WDPCP: variants seen among roughly 807,000 people sequenced by gnomAD.
WDPCP encodes WD repeat-containing and planar cell polarity effector protein fritz homolog.
A neutral mutation model predicts 93.1 loss-of-function variants in WDPCP; 71 were observed. The ratio of observed to expected loss-of-function variants is 0.76; its 90% CI spans 0.63 to 0.93. The LOEUF is 0.93. WDPCP is among the 40% of genes least tolerant of loss of function. The pLI is 0.00. For synonymous variants in WDPCP, 315 were observed against 315.0 expected (o/e 1.00, Z 0.00); for missense variants, 844 against 887.4 (o/e 0.95, Z 0.62).
intron 6 of WDPCP, among the ~76,000 whole-genome samples, chr2:63,465,772 G>T (rs984956961): frequency 1.3e-5 from 2 of 152,096 alleles, no homozygotes; most frequent in African/African-American, 4.8e-5. Flanking sequence ...CCTGTTCTAT[G>T]CTGATTATTG....
At chr2:63,823,246 G>A (rs1380353272) in intron 1 of WDPCP, among the ~76,000 whole-genome samples, 2 of 150,350 alleles carry the variant, frequency 1.3e-5, no homozygotes, top group African/African-American at 2.4e-5. Flanking sequence ...AGTAGCTCAC[G>A]TCTGTAATCC....
chr2:63,761,451 T>A (rs1670053208), intron 2 of WDPCP, among the ~76,000 whole-genome samples: 1 of 152,162 alleles, frequency 6.6e-6, no homozygotes. Context: ...ATATTCTTCC[T>A]TTTTCTAGCA....
intron 6 of WDPCP, among the ~76,000 whole-genome samples, chr2:63,447,684 G>T (rs1488367805): frequency 6.6e-6 from 1 of 151,626 alleles, no homozygotes; most frequent in Non-Finnish European, 1.5e-5. Flanking sequence ...ATTAATAATT[G>T]TAAAGTATGG....
intron 2 of WDPCP, among the ~76,000 whole-genome samples, chr2:63,758,996 G>A (rs957663403): frequency 9.9e-5 from 15 of 151,590 alleles, no homozygotes; most frequent in African/African-American, 2.9e-4. Flanking sequence ...GGCCAGGCTG[G>A]CCTCAAACTC....
chr2:63,708,548 G>T (rs538546817), intron 2 of WDPCP, among the ~76,000 whole-genome samples: 6 of 152,352 alleles, frequency 3.9e-5, no homozygotes, highest in African/African-American at 1.4e-4. Context: ...GACTAGGAAA[G>T]GGAATTCCCT....
intron 2 of WDPCP, among the ~76,000 whole-genome samples, chr2:63,745,660 AC>A (rs1558900487): frequency 6.6e-6 from 1 of 152,042 alleles, no homozygotes; most frequent in Non-Finnish European, 1.5e-5. Context: ...ACACACACAC[AC>A]ACACACACTT....
chr2:63,778,303 C>T (rs1045173210), intron 2 of WDPCP, among the ~76,000 whole-genome samples: 2 of 151,944 alleles, frequency 1.3e-5, no homozygotes, highest in African/African-American at 2.4e-5. Context: ...CACCCTCCAA[C>T]TTCAAGCGAT....
At chr2:63,254,188 C>G (rs972752040) in intron 14 of WDPCP, among the ~76,000 whole-genome samples, 1 of 152,092 alleles carries the variant, frequency 6.6e-6, no homozygotes, top group Non-Finnish European at 1.5e-5. Flanking sequence ...ATTAGGTACA[C>G]ATGGACATAA....
intron 6 of WDPCP, among the ~76,000 whole-genome samples, chr2:63,472,962 C>A (rs1699778617): frequency 6.6e-6 from 1 of 152,168 alleles, no homozygotes; most frequent in African/African-American, 2.4e-5. Context: ...AATTTAGTTC[C>A]ATTTACGGCA....
intron 6 of WDPCP, chr2:63,442,385 A>G (rs1697558399): frequency 6.6e-6 from 1 of 152,158 alleles, no homozygotes; most frequent in African/African-American, 2.4e-5. Flanking sequence ...TTATTCAACC[A>G]TTAATTGTAG....
At chr2:63,541,456 A>G (rs561531520) in intron 1 of WDPCP, among the ~76,000 whole-genome samples, 10 of 152,350 alleles carry the variant, frequency 6.6e-5, no homozygotes, top group African/African-American at 9.6e-5. Context: ...AAAAAGAAGC[A>G]TATTTCAGAT....
At chr2:63,208,467 G>C (rs890171066) in intron 14 of WDPCP, among the ~76,000 whole-genome samples, 3 of 152,054 alleles carry the variant, frequency 2.0e-5, no homozygotes, top group African/African-American at 7.2e-5. Context: ...CATTGTGCCT[G>C]GTGTGCTCAA....
intron 1 of WDPCP, among the ~76,000 whole-genome samples, chr2:63,565,450 T>C (rs373779236): frequency 2.0e-5 from 3 of 152,188 alleles, no homozygotes; most frequent in East Asian, 3.9e-4. Context: ...ATTAAAGAAA[T>C]ATTTAAACTC....
chr2:63,722,490 C>A (rs1193257313), intron 2 of WDPCP, among the ~76,000 whole-genome samples: 3 of 143,558 alleles, frequency 2.1e-5, no homozygotes, highest in Non-Finnish European at 3.1e-5. Context: ...CCCCTCCGCC[C>A]GGCAGCCGCC....
At chr2:63,808,832 C>T (rs2104074993) in intron 2 of WDPCP, among the ~76,000 whole-genome samples, 1 of 152,054 alleles carries the variant, frequency 6.6e-6, no homozygotes, top group African/African-American at 2.4e-5. Context: ...GCCCCTCTGC[C>T]TGGCTGCCCA....
intron 17 of WDPCP, among the ~76,000 whole-genome samples, chr2:63,126,276 T>C (rs1429826570): frequency 1.3e-5 from 2 of 152,158 alleles, no homozygotes; most frequent in Non-Finnish European, 2.9e-5. Context: ...GCTGAAAAAG[T>C]GTTTCCATCT....
intron 1 of WDPCP, among the ~76,000 whole-genome samples, chr2:63,505,178 T>G (rs1233678745): frequency 6.6e-6 from 1 of 152,078 alleles, no homozygotes; most frequent in African/African-American, 2.4e-5. Flanking sequence ...AATTGGATCT[T>G]CCTTCATACT....
chr2:63,328,440 C>G (rs982074587), intron 12 of WDPCP, among the ~76,000 whole-genome samples: 2 of 152,094 alleles, frequency 1.3e-5, no homozygotes, highest in African/African-American at 2.4e-5. Context: ...TCCTGAAGTC[C>G]GCGAGACCAC....
At chr2:63,739,236 T>C in intron 2 of WDPCP, among the ~76,000 whole-genome samples, 1 of 152,112 alleles carries the variant, frequency 6.6e-6, no homozygotes, top group East Asian at 1.9e-4. Flanking sequence ...ATTGATAAGT[T>C]CTTATCATTT....
Sources: gnomAD v4.1 joint callset for allele counts (sites outside exome capture counted in the v4.1 genomes callset) on GRCh38, gnomAD v4.1.1 for gene constraint, MANE v1.5 for transcripts, NCBI Gene and HGNC (gene_info 2026-07-23, HGNC 2026-07-21) for gene names.